Variants in PCDHGA7 observed in about 807,000 individuals in gnomAD.
PCDHGA7 encodes the protein protocadherin gamma subfamily A, 7, also known as protocadherin gamma-A7.
A neutral mutation model predicts 58.3 loss-of-function variants in PCDHGA7; 44 were observed. The observed-to-expected ratio is 0.75, with a 90% CI of 0.59 to 0.97. The LOEUF is 0.97. PCDHGA7 is among the 50% of genes least tolerant of loss of function. The pLI is 0.00. For missense variants in PCDHGA7, 1,266 were observed against 1,188.7 expected, an observed-to-expected ratio of 1.06 and a Z score of -0.96; for synonymous variants, 516 against 504.2, an observed-to-expected ratio of 1.02 and a Z score of -0.31.
At chr5:141,404,265 T>G in intron 1 of PCDHGA7, 1 of 1,613,998 alleles carries the variant, frequency 6.2e-7, no homozygotes, top group Non-Finnish European at 8.5e-7. Context: ...GAAATTCACA[T>G]CACCCTGCAA....
chr5:141,503,598 CAAAAA>C (rs765754054), intron 2 of PCDHGA7, among the ~76,000 whole-genome samples: 1 of 65,760 alleles, frequency 1.5e-5, no homozygotes, highest in African/African-American at 4.7e-5. Context: ...GACTCCAGCT[CAAAAA>C]AAAAAAAAAA....
At chr5:141,415,318 C>T (rs1324377536) in intron 1 of PCDHGA7, 4 of 1,614,252 alleles carry the variant, frequency 2.5e-6, no homozygotes, top group Admixed American at 1.7e-5. Flanking sequence ...CGTCATCGTG[C>T]TGCTGGCGCA....
At chr5:141,433,289 G>C in intron 1 of PCDHGA7, 1 of 1,130,682 alleles carries the variant, frequency 8.8e-7, no homozygotes, top group Non-Finnish European at 1.3e-6. Context: ...AAACTCCTAG[G>C]CTCAAGCAAT....
At chr5:141,506,566 T>C (rs909998933) in intron 3 of PCDHGA7, among the ~76,000 whole-genome samples, 33 of 152,022 alleles carry the variant, frequency 2.2e-4, no homozygotes, top group Non-Finnish European at 2.9e-5. Flanking sequence ...ACCCCCTCGG[T>C]TTCACTTACT....
chr5:141,397,602 G>T (rs2150712888), intron 1 of PCDHGA7, among the ~76,000 whole-genome samples: 1 of 152,296 alleles, frequency 6.6e-6, no homozygotes, highest in African/African-American at 2.4e-5. Flanking sequence ...TATTGCCAGT[G>T]ACAAGGGCAA....
chr5:141,389,101 C>G, intron 1 of PCDHGA7: 1 of 1,614,030 alleles, frequency 6.2e-7, no homozygotes, highest in Non-Finnish European at 8.5e-7. Flanking sequence ...GTGACAGATG[C>G]TGTTCTAGAC....
chr5:141,485,093 T>C lies in PCDHGA7; in HGVS notation c.2425-9714T>C. 1 of 1,076,296 alleles carries C rather than the reference T, an allele frequency of 9.3e-7. No homozygotes were observed. Among genetic ancestry groups the C allele is most frequent in the Non-Finnish European group, 1.4e-6 (1 of 718,118 alleles). 66.7% of individuals were successfully genotyped at this position (1,076,296 alleles called of 1,614,324 possible). ...TGGCGCGGGGAAAGGGAGATAGGTG[T>C]CTCCAGCTGCTGTGGCTGTTTGGGG... On this transcript the variant is annotated intron_variant, in intron 1 of 3. Coordinates refer to ENST00000518325, the MANE Select transcript of PCDHGA7 (RefSeq NM_018920.4). The surrounding 1 kb of genome is among the most constrained non-coding windows in gnomAD (Gnocchi z 5.7).
At chr5:141,404,410 A>G (rs1343740045) in intron 1 of PCDHGA7, 2 of 1,613,728 alleles carry the variant, frequency 1.2e-6, no homozygotes, top group Non-Finnish European at 1.7e-6. Context: ...AGAATTCTAG[A>G]GTTATTTACT....
At chr5:141,403,104 A>T in intron 1 of PCDHGA7, 1 of 1,614,038 alleles carries the variant, frequency 6.2e-7, no homozygotes. Flanking sequence ...ATCTCCAAGG[A>T]CCTGGCTCTG....
chr5:141,405,609 G>A, intron 1 of PCDHGA7: 1 of 562,334 alleles, frequency 1.8e-6, no homozygotes. Context: ...AGAATAACTG[G>A]GACTACAGGC....
In PCDHGA7 at chr5:141,486,444, T is replaced by C. The variant is rs769032995; in HGVS notation, c.2425-8363T>C. 2 of 1,614,086 alleles carry C rather than the reference T, an allele frequency of 1.2e-6. No individual in the cohort carries two copies. On this transcript the variant is annotated intron_variant, in intron 1 of 3. Transcript: ENST00000518325. This position sits in a 1 kb window ranked among gnomAD's most constrained non-coding sequence, Gnocchi z 5.0. ...GAGGCCAAATCTAGCTATGACATCA[T>C]GGTCACTGCTTCTGATGCTGGGAAC...
At chr5:141,492,834 G>A (rs544218873) in intron 1 of PCDHGA7, among the ~76,000 whole-genome samples, 7 of 152,214 alleles carry the variant, frequency 4.6e-5, no homozygotes, top group African/African-American at 1.7e-4. Context: ...CCTTCCTCCC[G>A]CAGGAAGTGA....
chr5:141,390,176 C>T lies in PCDHGA7; in HGVS notation c.2424+4853C>T, dbSNP rs763410454. The T allele has an allele frequency of 5.6e-6, 9 of 1,614,000 alleles. No individual in the cohort carries two copies. In the East Asian group the frequency reaches 1.1e-4, roughly 20 times the overall value. ...ATACAGGAAAGACGGAGTTTAATTT[C>T]CTAAAATGTAGTGAGCAGTTGAGTT... On this transcript the variant is annotated intron_variant, in intron 1 of 3. Transcript: ENST00000518325.
chr5:141,415,182 C>T (rs2095840318), intron 1 of PCDHGA7: 2 of 1,613,842 alleles, frequency 1.2e-6, no homozygotes, highest in Non-Finnish European at 1.7e-6. Flanking sequence ...TGGCCGTGGC[C>T]GACAGCATCC....
At chr5:141,427,188 A>G (rs1346514063) in intron 1 of PCDHGA7, 1 of 456,744 alleles carries the variant, frequency 2.2e-6, no homozygotes, top group Admixed American at 2.3e-5. Flanking sequence ...AATTAAATCC[A>G]AAGACTTAAT....
chr5:141,402,965 A>G, intron 1 of PCDHGA7: 2 of 1,606,016 alleles, frequency 1.2e-6, no homozygotes, highest in Non-Finnish European at 1.7e-6. Flanking sequence ...GGCAGCTCCA[A>G]CCAAATGCCA....
chr5:141,395,177 T>A (rs1325466781), intron 1 of PCDHGA7: 1 of 1,614,120 alleles, frequency 6.2e-7, no homozygotes, highest in Non-Finnish European at 8.5e-7. Context: ...GTGAGAAAAA[T>A]GATTCTTTGT....
At chr5:141,460,977 G>A in intron 1 of PCDHGA7, among the ~76,000 whole-genome samples, 1 of 131,518 alleles carries the variant, frequency 7.6e-6, no homozygotes, top group African/African-American at 3.4e-5. Context: ...GTGTGTGTGT[G>A]TGTGTGTATA....
chr5:141,428,658 T>G (rs932328483), intron 1 of PCDHGA7: 1 of 165,620 alleles, frequency 6.0e-6, no homozygotes, highest in Non-Finnish European at 1.3e-5. Flanking sequence ...TGAGTTCCAA[T>G]GAATGTCTTT....
Sources: allele counts gnomAD v4.1 joint callset (sites outside exome capture counted in the v4.1 genomes callset), GRCh38; gene constraint gnomAD v4.1.1; non-coding constraint Gnocchi (gnomAD v3.1); transcripts MANE v1.5; gene names NCBI Gene and HGNC (gene_info 2026-07-23, HGNC 2026-07-21).